The following TSPAN15 variants were observed in gnomAD, a reference collection of about 807,000 sequenced individuals.
TSPAN15 encodes tetraspanin-15.
Under a neutral mutation model 34.5 loss-of-function variants are expected in TSPAN15, and 20 were observed. That is an observed-to-expected ratio of 0.58 (90% CI 0.41 to 0.84). TSPAN15 has a LOEUF of 0.84. TSPAN15 is among the 40% of genes least tolerant of loss of function. The probability of loss-of-function intolerance (pLI) is 0.00; values close to 1 mark genes in which losing one functional copy is unlikely to be tolerated. For missense variants in TSPAN15, 313 were observed against 386.1 expected, an observed-to-expected ratio of 0.81 and a Z score of 1.59; for synonymous variants, 155 against 153.9, an observed-to-expected ratio of 1.01 and a Z score of -0.05.
intron 2 of TSPAN15, among the ~76,000 whole-genome samples, chr10:69,484,867 C>T (rs572170284): frequency 1.3e-5 from 2 of 152,134 alleles, no homozygotes; most frequent in Admixed American, 6.5e-5. Context: ...GCGTGCTCTT[C>T]CACATAGACC....
At chr10:69,539,476 GAGAAGGAGA>G in the TSPAN15 span, among the ~76,000 whole-genome samples, 107 of 62,590 alleles carry the variant, frequency 1.7e-3, 2 homozygotes, top group African/African-American at 5.8e-3. Flanking sequence ...GAAGGAGAAG[GAGAAGGAGA>G]AGAAGAAGAA....
chr10:69,528,180 G>A, the TSPAN15 span, among the ~76,000 whole-genome samples: 8 of 148,298 alleles, frequency 5.4e-5, 2 homozygotes, highest in African/African-American at 1.5e-4. Context: ...CTGCTGCCGC[G>A]GGGCAGGCAG....
rs1842281158 is a variant in TSPAN15, at chr10:69,504,430, C to T, written c.571-8C>T. 1 of 1,613,044 alleles carries T rather than the reference C, an allele frequency of 6.2e-7. No homozygotes were observed. Among genetic ancestry groups the T allele is most frequent in the African/African-American group, 1.3e-5 (1 of 74,920 alleles). ...ATAAATATTAGCTATTATACATTTC[C>T]ATTTCAGACAGAAGTTGTCAACACC... is the stretch of plus-strand genomic sequence containing the variant. On this transcript the variant is annotated splice_polypyrimidine_tract_variant and splice_region_variant and intron_variant, in intron 5 of 7. Transcript: ENST00000373290.
At chr10:69,518,222 A>G in the TSPAN15 span, among the ~76,000 whole-genome samples, 2 of 152,328 alleles carry the variant, frequency 1.3e-5, no homozygotes, top group East Asian at 3.9e-4. Flanking sequence ...ATCAAATGCA[A>G]GATATCAAAG....
the TSPAN15 span, among the ~76,000 whole-genome samples, chr10:69,536,750 C>T: frequency 8.7e-3 from 1,322 of 152,136 alleles, 8 homozygotes; most frequent in Non-Finnish European, 0.013. Flanking sequence ...ATTGAGAGGA[C>T]GAGGCGGGTG....
chr10:69,451,603 CG>C lies in TSPAN15; in HGVS notation c.13del (p.Asp5ThrfsTer29). Reference sequence around the variant, plus strand: ...CGCGGGGAGCGCCCAGGATGCCGCGCGGGGACTCGGAGCAGGTGCGCTACTG... The same window carrying C: ...CGCGGGGAGCGCCCAGGATGCCGCGCGGGACTCGGAGCAGGTGCGCTACTG... MPR[G>X]DSEQVRYCAR... On this transcript the variant is annotated frameshift_variant, in exon 1 of 8. Transcript: ENST00000373290. LOFTEE classifies it high-confidence loss of function. 1 of 1,501,374 alleles carries C rather than the reference CG, an allele frequency of 6.7e-7. No individual in the cohort carries two copies. The allele number at this position is 1,501,374 out of a possible 1,614,324, so 93.0% of individuals were successfully genotyped here.
At position 69,506,746 on chromosome 10, in the gene TSPAN15, T is replaced by C; in HGVS notation, c.736-83T>C. 1 of 1,427,322 alleles carries C rather than the reference T, an allele frequency of 7.0e-7. No individual in the cohort carries two copies. Among genetic ancestry groups the C allele is most frequent in the South Asian group, 1.3e-5 (1 of 79,826 alleles). 88.4% of individuals were successfully genotyped at this position (1,427,322 alleles called of 1,614,324 possible). The stretch of plus-strand genomic sequence containing the variant: ...ACCATGAGGGCTTGGGACTGGCTGC[T>C]TGGGTTTCTGGGAGCCGGGAGCTGC... On this transcript the variant is annotated intron_variant, in intron 7 of 7. Transcript: ENST00000373290. This position sits in a 1 kb window ranked among gnomAD's most constrained non-coding sequence, Gnocchi z 4.7.
the TSPAN15 span, among the ~76,000 whole-genome samples, chr10:69,534,848 G>C: frequency 6.6e-6 from 1 of 151,232 alleles, no homozygotes. Context: ...GCAGGGTATG[G>C]TGGTGCACAC....
chr10:69,527,701 T>G, the TSPAN15 span, among the ~76,000 whole-genome samples: 3 of 147,852 alleles, frequency 2.0e-5, no homozygotes, highest in Non-Finnish European at 4.5e-5. Context: ...AAGCTTGCTT[T>G]AGAACATTAT....
the TSPAN15 span, among the ~76,000 whole-genome samples, chr10:69,522,223 G>A: frequency 1.4e-5 from 2 of 145,766 alleles, no homozygotes; most frequent in African/African-American, 2.5e-5. Context: ...TTAGCTGGGT[G>A]TGGTGGCAAT....
intron 3 of TSPAN15, among the ~76,000 whole-genome samples, chr10:69,486,017 C>G (rs1262710070): frequency 6.6e-6 from 1 of 152,212 alleles, no homozygotes; most frequent in Non-Finnish European, 1.5e-5. Context: ...CCGGCTCCAG[C>G]TCCTTCAGGC....
At chr10:69,525,188 G>C in the TSPAN15 span, among the ~76,000 whole-genome samples, 1 of 147,680 alleles carries the variant, frequency 6.8e-6, no homozygotes, top group African/African-American at 2.5e-5. Context: ...AAAGTGCTGG[G>C]ATTACAGGCA....
At chr10:69,503,519 A>G (rs990199971) in intron 5 of TSPAN15, among the ~76,000 whole-genome samples, 3 of 152,168 alleles carry the variant, frequency 2.0e-5, no homozygotes, top group African/African-American at 7.2e-5. Context: ...TCTGCGTGCC[A>G]GTTCCTTAGC....
At chr10:69,465,197 G>A (rs566753216) in intron 1 of TSPAN15, among the ~76,000 whole-genome samples, 28 of 151,562 alleles carry the variant, frequency 1.8e-4, no homozygotes, top group East Asian at 5.8e-4. Flanking sequence ...ACTTAGCTTC[G>A]GGGTGTTGGG....
intron 3 of TSPAN15, among the ~76,000 whole-genome samples, chr10:69,493,662 C>T (rs898501161): frequency 6.6e-5 from 10 of 152,090 alleles, no homozygotes; most frequent in South Asian, 2.1e-4. Flanking sequence ...TTAGTAGAGA[C>T]GGGGTTTCAC....
chr10:69,461,218 G>A (rs1841248711), intron 1 of TSPAN15, among the ~76,000 whole-genome samples: 1 of 152,218 alleles, frequency 6.6e-6, no homozygotes, highest in Non-Finnish European at 1.5e-5. Context: ...CCCTGAGCGG[G>A]GAAGTAACTT....
intron 3 of TSPAN15, among the ~76,000 whole-genome samples, chr10:69,494,333 A>G (rs1327127692): frequency 1.3e-5 from 2 of 152,218 alleles, no homozygotes; most frequent in African/African-American, 4.8e-5. Context: ...ACAGACAAAA[A>G]TCTTGAATAA....
intron 3 of TSPAN15, among the ~76,000 whole-genome samples, chr10:69,493,296 C>T (rs1221231414): frequency 1.3e-5 from 2 of 152,268 alleles, no homozygotes; most frequent in South Asian, 2.1e-4. Context: ...GCCAGGTCCG[C>T]GAAGGGCCAT....
chr10:69,534,630 A>C, the TSPAN15 span, among the ~76,000 whole-genome samples: 1 of 152,180 alleles, frequency 6.6e-6, no homozygotes, highest in African/African-American at 2.4e-5. Flanking sequence ...TGTATGCCAG[A>C]ATTCTTGGCA....
Sources: gnomAD v4.1 joint callset for allele counts (sites outside exome capture counted in the v4.1 genomes callset) on GRCh38, gnomAD v4.1.1 for gene constraint, Gnocchi (gnomAD v3.1) non-coding constraint, MANE v1.5 for transcripts, NCBI Gene and HGNC (gene_info 2026-07-23, HGNC 2026-07-21) for gene names.